Variants in ZC3H7B observed in about 807,000 individuals in gnomAD.
The protein encoded by ZC3H7B is zinc finger CCCH-type containing 7B, also known as zinc finger CCCH domain-containing protein 7B.
ZC3H7B carries 35 observed loss-of-function variants against 116.0 expected under a neutral mutation model. The ratio of observed to expected loss-of-function variants is 0.30; its 90% CI spans 0.23 to 0.40. ZC3H7B has a LOEUF of 0.40. ZC3H7B is among the 10% of genes least tolerant of loss of function. The pLI, the probability that ZC3H7B is intolerant of heterozygous loss-of-function variation, is 1.00. For synonymous variants in ZC3H7B, 502 were observed against 545.6 expected (o/e 0.92, Z 1.11); for missense variants, 1,011 against 1,321.5 (o/e 0.77, Z 3.64).
intron 9 of ZC3H7B, among the ~76,000 whole-genome samples, chr22:41,339,441 C>T (rs1305933692): frequency 2.0e-5 from 3 of 152,050 alleles, no homozygotes; most frequent in East Asian, 1.9e-4. Flanking sequence ...GCCTGGCCAA[C>T]GTGGTGAAAC....
Position 41,355,464 on chromosome 22 carries a change from C to T in ZC3H7B, c.2035-5C>T, listed in dbSNP as rs751969810. On this transcript the variant is annotated splice_polypyrimidine_tract_variant and splice_region_variant and intron_variant, in intron 17 of 22. Coordinates refer to ENST00000352645, the MANE Select transcript of ZC3H7B (RefSeq NM_017590.6). ...TCACCAACCCCCCTCCCCATCCCCC[C>T]ACAGGGTGCTCCGAGGACACATGGG... The T allele has an allele frequency of 7.4e-6, 12 of 1,613,754 alleles. No homozygotes were observed. The highest frequency in any genetic ancestry group is 1.7e-5 in the Admixed American group (1 of 59,984).
intron 9 of ZC3H7B, among the ~76,000 whole-genome samples, chr22:41,339,455 C>T (rs2036489137): frequency 6.6e-6 from 1 of 151,916 alleles, no homozygotes; most frequent in Non-Finnish European, 1.5e-5. Context: ...GTGAAACCCC[C>T]TCTCTACTAA....
rs2036711534 is a variant in ZC3H7B, at chr22:41,356,034, CAT to C, written c.2356_2357del (p.Met786ValfsTer17). Reference sequence around the variant, plus strand: ...TCGCACACAGCCCGGAGGAGAGGGACATGTGGACCTTCATGAAGGAGAACAAG... The same window carrying C: ...TCGCACACAGCCCGGAGGAGAGGGACGTGGACCTTCATGAAGGAGAACAAG... The part of the protein sequence containing the change: ...SFAHSPEERD[M>X]WTFMKENKIL... On this transcript the variant is annotated frameshift_variant, in exon 20 of 23. Coordinates refer to ENST00000352645, the MANE Select transcript of ZC3H7B (RefSeq NM_017590.6). LOFTEE classifies it high-confidence loss of function. The C allele has an allele frequency of 1.9e-6, 3 of 1,566,718 alleles. No homozygotes were observed. Among genetic ancestry groups the C allele is most frequent in the Non-Finnish European group, 2.6e-6 (3 of 1,162,078 alleles).
intron 1 of ZC3H7B, among the ~76,000 whole-genome samples, chr22:41,307,964 C>T (rs2036067793): frequency 1.3e-5 from 2 of 152,186 alleles, no homozygotes; most frequent in African/African-American, 4.8e-5. Flanking sequence ...ACATTTGTGT[C>T]CTGCTGTGTC....
Position 41,357,460 on chromosome 22 carries a change from G to C in ZC3H7B, c.*31G>C. 3 of 1,606,194 alleles carry C rather than the reference G, an allele frequency of 1.9e-6. No individual in the cohort carries two copies. Among genetic ancestry groups the C allele is most frequent in the South Asian group, 1.1e-5 (1 of 90,900 alleles). The stretch of plus-strand genomic sequence containing the variant: ...GGTGTTGGCCGTGGGTGAAGTCCTG[G>C]GGTCAGGGGGTGGGGTGGGGCCAGA... On this transcript the variant is annotated 3_prime_UTR_variant, in exon 23 of 23. Transcript: ENST00000352645. The surrounding 1 kb of genome is among the most constrained non-coding windows in gnomAD (Gnocchi z 5.4).
chr22:41,339,742 C>T, intron 9 of ZC3H7B, 74 bp from the exon 10 acceptor site: 2 of 1,439,238 alleles, frequency 1.4e-6, no homozygotes, highest in Non-Finnish European at 1.9e-6. Context: ...TCCTTGCTTC[C>T]CCAAGTCCTG....
In ZC3H7B at chr22:41,355,469, G is replaced by A. The variant is rs755435275; in HGVS notation, c.2035G>A (p.Gly679Ser). The change falls in exon 18 of 23, where the codon GGT becomes AGT. Residue 679 changes from glycine to serine, a missense_variant and splice_region_variant. Physicochemically the swap from Gly to Ser is moderately conservative, Grantham distance 56. This residue lies in a region of ZC3H7B where 406 missense variants were observed against 590.2 expected (regional missense o/e 0.69). Transcript: ENST00000352645. ...AACCCCCCTCCCCATCCCCCCACAG[G>A]GTGCTCCGAGGACACATGGGCCCAG... ...AHAGKASSSM[G>S]APRTHGPSTF... 3 of 1,613,944 alleles carry A rather than the reference G, an allele frequency of 1.9e-6. No homozygotes were observed. Among genetic ancestry groups the A allele is most frequent in the Non-Finnish European group, 8.5e-7 (1 of 1,179,942 alleles).
rs1425264316 is a variant in ZC3H7B at position 41,312,135 on chromosome 22, T to C, written c.-6-8520T>C. ...TCGTGCCACTGCACTCCAGCTTGGG[T>C]GACAGAGCGAGACTCCGTCTCAAAA... is the stretch of plus-strand genomic sequence containing the variant. On this transcript the variant is annotated intron_variant, in intron 1 of 22. Transcript: ENST00000352645. Among the ~76,000 whole-genome samples, 21 of 134,446 alleles carry C rather than the reference T, an allele frequency of 1.6e-4. 1 individual carries two copies. Among genetic ancestry groups the C allele is most frequent in the Non-Finnish European group, 2.8e-4 (18 of 65,006 alleles). The allele number at this position is 134,446 out of a possible 152,430, so 88.2% of individuals were successfully genotyped here. A position where few individuals can be genotyped will look rare whatever the true frequency, so the allele number is the denominator to read the frequency against.
At chr22:41,313,123 C>CTT (rs777637760) in intron 1 of ZC3H7B, among the ~76,000 whole-genome samples, 1 of 144,832 alleles carries the variant, frequency 6.9e-6, no homozygotes, top group South Asian at 2.2e-4. Flanking sequence ...TTGGGTCAGA[C>CTT]TTTTTTTTTT....
rs535442925 is a variant in ZC3H7B at position 41,357,040 on chromosome 22, C to G, written c.2682-137C>G. 59 of 1,431,036 alleles carry G rather than the reference C, an allele frequency of 4.1e-5. No homozygotes were observed. In the South Asian group the frequency reaches 7.6e-4, roughly 18 times the overall value. 88.6% of individuals were successfully genotyped at this position (1,431,036 alleles called of 1,614,324 possible). On this transcript the variant is annotated intron_variant, in intron 22 of 22. Coordinates refer to ENST00000352645, the MANE Select transcript of ZC3H7B (RefSeq NM_017590.6). This position sits in a 1 kb window ranked among gnomAD's most constrained non-coding sequence, Gnocchi z 5.4. ...CAGATCCCAGAGAGGGTCAGGACAC[C>G]CAGGTTTTCCCTGAGCTGGGACCCA...
rs1024696620 is a variant in ZC3H7B at position 41,325,744 on chromosome 22, G to C, written c.111G>C (p.Gln37His). 1 of 1,613,810 alleles carries C rather than the reference G, an allele frequency of 6.2e-7. No homozygotes were observed. Among genetic ancestry groups the C allele is most frequent in the South Asian group, 1.1e-5 (1 of 90,928 alleles). The change falls in exon 4 of 23, where the codon CAG (glutamine) becomes CAC (histidine). Residue 37 changes from glutamine (Q) to histidine (H), a missense_variant. By Grantham distance (24) the Gln-to-His change is conservative. Transcript: ENST00000352645. ...AGGCCTTTCTGCTCAAGCTGGTGCAGAATCTGTTTGCTGAGGGCAATGATC... is the reference window on the plus strand; with the variant it reads ...AGGCCTTTCTGCTCAAGCTGGTGCACAATCTGTTTGCTGAGGGCAATGATC... Reference protein sequence around the residue: ...EYEAFLLKLVQNLFAEGNDLF... With the variant: ...EYEAFLLKLVHNLFAEGNDLF...
In ZC3H7B at chr22:41,355,941, G is replaced by A. The variant is rs376661484; in HGVS notation, c.2275-13G>A. 9 of 1,597,334 alleles carry A rather than the reference G, an allele frequency of 5.6e-6. No homozygotes were observed. The highest frequency in any genetic ancestry group is 4.5e-5 in the South Asian group (4 of 88,128). On this transcript the variant is annotated splice_polypyrimidine_tract_variant and intron_variant, in intron 19 of 22. Transcript: ENST00000352645. ...AGCGGGACTCAGAGGATCTCCCCAC[G>A]CCCACCCCACAGCTCTGCATCCATG...
At chr22:41,320,735 G>C (rs2145909640) in intron 2 of ZC3H7B, 22 bp downstream of exon 2, 4 of 1,613,666 alleles carry the variant, frequency 2.5e-6, no homozygotes, top group Non-Finnish European at 3.4e-6. Context: ...TGCGGCAGGG[G>C]CTGGACGGCT....
rs775910634 is a variant in ZC3H7B at position 41,340,146 on chromosome 22, A to G, written c.1138+9A>G. The G allele has an allele frequency of 8.8e-6, 14 of 1,590,252 alleles. No homozygotes were observed. In the African/African-American group the frequency reaches 1.6e-4, roughly 18 times the overall value. ...ACCTGACTCCTTCATGGGTAAGGCC[A>G]TGGGTGGGCCCGTTCAACCTCCCTG... On this transcript the variant is annotated intron_variant, in intron 10 of 22. Transcript: ENST00000352645.
chr22:41,348,317 C>T, intron 15 of ZC3H7B, 150 bp downstream of exon 15: 2 of 650,030 alleles, frequency 3.1e-6, no homozygotes, highest in South Asian at 1.8e-5. Flanking sequence ...CCAGCCTCCA[C>T]CTGGAAAGGA....
At chr22:41,303,151 C>CA (rs2035995982) in intron 1 of ZC3H7B, among the ~76,000 whole-genome samples, 1 of 152,202 alleles carries the variant, frequency 6.6e-6, no homozygotes, top group South Asian at 2.1e-4. Context: ...GTCCACCTCC[C>CA]ACAGAAGTTG....
chr22:41,325,696 C>A (rs762605865), intron 3 of ZC3H7B, 25 bp from the exon 4 acceptor site: 1 of 1,609,142 alleles, frequency 6.2e-7, no homozygotes, highest in Non-Finnish European at 8.5e-7. Flanking sequence ...GGTCATGAGC[C>A]CCCTACACAC....
At chr22:41,316,407 A>C (rs951606075) in intron 1 of ZC3H7B, among the ~76,000 whole-genome samples, 1 of 135,898 alleles carries the variant, frequency 7.4e-6, no homozygotes, top group Non-Finnish European at 1.6e-5. Flanking sequence ...GCAATTCTCC[A>C]GCATCACCGT....
intron 6 of ZC3H7B, among the ~76,000 whole-genome samples, chr22:41,330,799 T>G (rs6002337): frequency 0.29 from 44,312 of 150,276 alleles, 7,178 homozygotes; most frequent in Admixed American, 0.49. Context: ...AAAATTAGCT[T>G]GGGGTGGTGG....
Sources: gnomAD v4.1 joint callset for allele counts (sites outside exome capture counted in the v4.1 genomes callset) on GRCh38, gnomAD v4.1.1 for gene constraint, gnomAD v4.1.1 regional missense constraint, Gnocchi (gnomAD v3.1) non-coding constraint, MANE v1.5 for transcripts, NCBI Gene and HGNC (gene_info 2026-07-23, HGNC 2026-07-21) for gene names.